RRP1B: variants seen among roughly 807,000 people sequenced by gnomAD.
RRP1B encodes ribosomal RNA processing 1B, also known as ribosomal RNA processing protein 1 homolog B.
In RRP1B, 56 loss-of-function variants were observed where a neutral mutation model predicts 80.2. That is an observed-to-expected ratio of 0.70 (90% CI 0.56 to 0.87). The LOEUF (loss-of-function observed/expected upper bound fraction) is 0.87, where lower values mean the gene tolerates loss of function less well. Ranked by LOEUF, RRP1B falls within the 40% of genes least tolerant of loss-of-function variation. The pLI is 0.00. For missense variants in RRP1B, 807 were observed against 939.8 expected, an observed-to-expected ratio of 0.86 and a Z score of 1.85; for synonymous variants, 351 against 357.6, an observed-to-expected ratio of 0.98 and a Z score of 0.21.
rs757900912 is a variant in RRP1B, at chr21:43,674,647, G to C, written c.369G>C (p.Leu123=). 1 of 1,453,260 alleles carries C rather than the reference G, an allele frequency of 6.9e-7. No individual in the cohort carries two copies. Among genetic ancestry groups the C allele is most frequent in the South Asian group, 1.4e-5 (1 of 73,150 alleles). The allele number at this position is 1,453,260 out of a possible 1,614,324, so 90.0% of individuals were successfully genotyped here. Residue 123 remains leucine (L), a synonymous_variant, in exon 5 of 16, where the codon CTG becomes CTC. Coordinates refer to ENST00000340648, the MANE Select transcript of RRP1B (RefSeq NM_015056.3). ...RLDKYYMLIR[L]VLRQSFEVLK... ...TTGCCTTTCTTTAGCTGATTCGTCT[G>C]GTCCTGAGGCAGTCCTTTGAAGTCT...
rs1245081961 is a variant in RRP1B at position 43,669,866 on chromosome 21, T to C, written c.131-18T>C. 3 of 1,587,418 alleles carry C rather than the reference T, an allele frequency of 1.9e-6. No homozygotes were observed. The highest frequency in any genetic ancestry group is 1.7e-4 in the Middle Eastern group (1 of 6,024). On this transcript the variant is annotated intron_variant, in intron 1 of 15. Coordinates refer to ENST00000340648, the MANE Select transcript of RRP1B (RefSeq NM_015056.3). ...AGATGCATAGACTCTAAGATGTTTG[T>C]ATTGTTTTGCCTTCCAGGAGGTTTC...
At chr21:43,672,442 G>A in intron 3 of RRP1B, 77 bp downstream of exon 3, 11 of 1,255,720 alleles carry the variant, frequency 8.8e-6, no homozygotes, top group Non-Finnish European at 1.3e-5. Context: ...TGCCGGTATT[G>A]TGTAGATGTC....
At chr21:43,673,759 G>T in intron 3 of RRP1B, 111 bp from the exon 4 acceptor site, 1 of 636,982 alleles carries the variant, frequency 1.6e-6, no homozygotes. Context: ...AAGAATTACT[G>T]AGAAAAGTGA....
At chr21:43,692,674 A>G (rs1163807870) in intron 15 of RRP1B, among the ~76,000 whole-genome samples, 1 of 151,952 alleles carries the variant, frequency 6.6e-6, no homozygotes, top group Non-Finnish European at 1.5e-5. Flanking sequence ...AATAGAGAGT[A>G]TGTGTATGTG....
In RRP1B at chr21:43,687,879, C is replaced by T. The variant is rs768382044; in HGVS notation, c.1505C>T (p.Pro502Leu). 5.6e-6 allele frequency: 9 copies of T among 1,613,278 alleles called. No individual in the cohort carries two copies. The highest frequency in any genetic ancestry group is 1.7e-5 in the Admixed American group (1 of 60,036). The change falls in exon 13 of 16, where the codon CCG becomes CTG. Residue 502 changes from proline (P) to leucine (L), a missense_variant. Transcript: ENST00000340648. ...LPPEDMSQSG[P>L]SGSHPQGPRG... The stretch of plus-strand genomic sequence containing the variant: ...CCAGAGGACATGTCTCAGAGTGGCC[C>T]GAGTGGCAGTCATCCTCAGGGACCT...
At chr21:43,665,302 A>G (rs937101669) in intron 1 of RRP1B, among the ~76,000 whole-genome samples, 17 of 152,258 alleles carry the variant, frequency 1.1e-4, no homozygotes, top group Admixed American at 9.2e-4. Context: ...GCTTTTCTGC[A>G]CTACCTGTAA....
chr21:43,692,523 C>T (rs113422866), intron 15 of RRP1B, among the ~76,000 whole-genome samples: 3 of 151,408 alleles, frequency 2.0e-5, no homozygotes, highest in Non-Finnish European at 4.4e-5. Flanking sequence ...TGCTTGAACC[C>T]AGGAGATGGA....
rs1450019669 is a variant in RRP1B, at chr21:43,686,813, T to C, written c.1019T>C (p.Ile340Thr). 1 of 1,613,952 alleles carries C rather than the reference T, an allele frequency of 6.2e-7. No individual in the cohort carries two copies. The highest frequency in any genetic ancestry group is 8.5e-7 in the Non-Finnish European group (1 of 1,179,990). ...KFQDLSEGSSISQLSFAEDIS... is the reference protein window; with the variant it reads ...KFQDLSEGSSTSQLSFAEDIS... ...TCACTCTGGCATCTAGGAAGCAGTA[T>C]ATCTCAACTCAGTTTTGCGGAGGAC... is the stretch of plus-strand genomic sequence containing the variant. Residue 340 changes from isoleucine to threonine, a missense_variant, in exon 12 of 16, where the codon ATA becomes ACA. By Grantham distance (89) the Ile-to-Thr change is moderately conservative. Coordinates refer to ENST00000340648, the MANE Select transcript of RRP1B (RefSeq NM_015056.3).
chr21:43,669,960 TCTACA>T lies in RRP1B; in HGVS notation c.208_212del (p.Leu70GlyfsTer15). ...GCATGTGGGTGCAGGATGAACCCCT[TCTACA>T]GGTAACATGCGTTCCCTTTGTCATG... is the stretch of plus-strand genomic sequence containing the variant. On this transcript the variant is annotated frameshift_variant and splice_region_variant, in exon 2 of 16. Transcript: ENST00000340648. LOFTEE classifies it high-confidence loss of function. 6.2e-7 allele frequency: 1 copy of T among 1,604,444 alleles called. No homozygotes were observed. The highest frequency in any genetic ancestry group is 1.1e-5 in the South Asian group (1 of 90,178).
At chr21:43,660,965 A>T (rs1018838415) in intron 1 of RRP1B, among the ~76,000 whole-genome samples, 5 of 152,196 alleles carry the variant, frequency 3.3e-5, no homozygotes, top group African/African-American at 4.8e-5. Flanking sequence ...TTTTAAGATA[A>T]AGTTTTATTT....
intron 3 of RRP1B, 53 bp downstream of exon 3, chr21:43,672,418 T>G: frequency 6.9e-7 from 1 of 1,449,300 alleles, no homozygotes; most frequent in Non-Finnish European, 9.7e-7. Context: ...CTTGCTAGTT[T>G]AATGGGAACC....
chr21:43,675,701 C>A (rs954115049), intron 6 of RRP1B, among the ~76,000 whole-genome samples: 3 of 152,244 alleles, frequency 2.0e-5, no homozygotes, highest in South Asian at 2.1e-4. Flanking sequence ...GTCCCTGTTA[C>A]CCCTCTTGTA....
At position 43,687,034 on chromosome 21, in the gene RRP1B, A is replaced by G. The variant is rs1601760454; in HGVS notation, c.1141+99A>G. ...ACTTGAGCTCGTGCCGTCATAAAGC[A>G]TTAGCAGAGCCCAAAGCTTCAGTCT... is the stretch of plus-strand genomic sequence containing the variant. On this transcript the variant is annotated intron_variant, in intron 12 of 15. Coordinates refer to ENST00000340648, the MANE Select transcript of RRP1B (RefSeq NM_015056.3). The G allele has an allele frequency of 6.9e-6, 9 of 1,297,010 alleles. No individual in the cohort carries two copies. The East Asian group carries it at 1.4e-4, about 20-fold the overall frequency. The allele number at this position is 1,297,010 out of a possible 1,614,324, so 80.3% of individuals were successfully genotyped here.
chr21:43,687,002 C>G, intron 12 of RRP1B, 67 bp downstream of exon 12: 1 of 1,547,108 alleles, frequency 6.5e-7, no homozygotes, highest in Non-Finnish European at 8.8e-7. Flanking sequence ...CCATGGAGGC[C>G]TCGGAGACTT....
rs2083101787 is a variant in RRP1B, at chr21:43,694,968, C to T, written c.*1585C>T. On this transcript the variant is annotated 3_prime_UTR_variant, in exon 16 of 16. Coordinates refer to ENST00000340648, the MANE Select transcript of RRP1B (RefSeq NM_015056.3). ...CCTGGTGAGGAGAAAGCACTCTGTT[C>T]TTCGCCTACTCTGTAATCGTTTTGT... 6.6e-6 allele frequency: 1 copy of T among 152,168 alleles called. No individual in the cohort carries two copies. The highest frequency in any genetic ancestry group is 2.4e-5 in the African/African-American group (1 of 41,428). 9.4% of individuals were successfully genotyped at this position (152,168 alleles called of 1,614,324 possible).
At chr21:43,679,125 G>A (rs948427515) in intron 8 of RRP1B, among the ~76,000 whole-genome samples, 64 of 151,884 alleles carry the variant, frequency 4.2e-4, no homozygotes, top group Non-Finnish European at 3.4e-4. Flanking sequence ...TTTTATACCA[G>A]TACCAGTACC....
Position 43,687,649 on chromosome 21 carries a change from G to T in RRP1B, c.1275G>T (p.Gln425His). The change falls in exon 13 of 16, where the codon CAG becomes CAT. Residue 425 changes from glutamine to histidine, a missense_variant. Transcript: ENST00000340648. ...GGGGTGCAGCCCCATCCCTGGAACA[G>T]AACCGGGGCAGGGAGCCCGAGGCCT... Reference protein sequence around the residue: ...GPGGAAPSLEQNRGREPEASG... With the variant: ...GPGGAAPSLEHNRGREPEASG... The T allele has an allele frequency of 6.3e-7, 1 of 1,580,802 alleles. No homozygotes were observed.
In RRP1B at chr21:43,694,143, G is replaced by A. The variant is rs1009255718; in HGVS notation, c.*760G>A. ...CCCGCCCCGTGCTGAGCCTTCTGCT[G>A]AGGTCCTTGCGTGGAGCACACTCAT... On this transcript the variant is annotated 3_prime_UTR_variant, in exon 16 of 16. Coordinates refer to ENST00000340648, the MANE Select transcript of RRP1B (RefSeq NM_015056.3). 3.9e-5 allele frequency: 6 copies of A among 152,652 alleles called. No individual in the cohort carries two copies. Among genetic ancestry groups the A allele is most frequent in the African/African-American group, 1.4e-4 (6 of 41,452 alleles). The allele number at this position is 152,652 out of a possible 1,614,324, so 9.5% of individuals were successfully genotyped here.
In RRP1B at chr21:43,674,012, CT is replaced by C. The variant is rs887147948; in HGVS notation, c.357+59del. 1.7e-5 allele frequency: 22 copies of C among 1,303,298 alleles called. No homozygotes were observed. In the African/African-American group the frequency reaches 2.3e-4, roughly 14 times the overall value. 80.7% of individuals were successfully genotyped at this position (1,303,298 alleles called of 1,614,324 possible). ...CTGGGAAGAAAAGAATGTCCTTTAT[CT>C]TAAAAACAATGGGAAGGTTTATTTG... is the stretch of plus-strand genomic sequence containing the variant. On this transcript the variant is annotated intron_variant, in intron 4 of 15. Transcript: ENST00000340648.
Sources: allele counts gnomAD v4.1 joint callset (sites outside exome capture counted in the v4.1 genomes callset), GRCh38; gene constraint gnomAD v4.1.1; transcripts MANE v1.5; gene names NCBI Gene and HGNC (gene_info 2026-07-23, HGNC 2026-07-21).